Variants in SNTG2 observed in about 807,000 individuals in gnomAD.
SNTG2 encodes gamma-2-syntrophin.
In SNTG2, 74 loss-of-function variants were observed where a neutral mutation model predicts 70.9. The ratio of observed to expected loss-of-function variants is 1.04; its 90% CI spans 0.86 to 1.27. The LOEUF (loss-of-function observed/expected upper bound fraction) is 1.27. SNTG2 is among the 50% of genes most tolerant of loss of function. SNTG2 has a pLI of 0.00. For synonymous variants in SNTG2, 278 were observed against 273.8 expected (o/e 1.02, Z -0.15); for missense variants, 717 against 690.7 (o/e 1.04, Z -0.43).
chr2:1,196,676 T>C (rs1015069291), intron 8 of SNTG2, among the ~76,000 whole-genome samples: 1 of 152,150 alleles, frequency 6.6e-6, no homozygotes, highest in Admixed American at 6.5e-5. Context: ...AAGCCATCAG[T>C]TGATTTATCA....
rs576122995 is a variant in SNTG2, at chr2:1,101,495, C to T, written c.325+3085C>T. On this transcript the variant is annotated intron_variant, in intron 4 of 16. Transcript: ENST00000308624. ...AAGCTTGGTCTCATTTATTTTATGT[C>T]TTCCATTCCATGTAAAACACAGAAT... Among the ~76,000 whole-genome samples, 292 of 152,320 alleles carry T rather than the reference C, an allele frequency of 1.9e-3. 2 individuals carry two copies. Among genetic ancestry groups the T allele is most frequent in the Middle Eastern group, 3.4e-3 (1 of 294 alleles).
At chr2:1,067,416 A>AG (rs1663230376) in intron 1 of SNTG2, among the ~76,000 whole-genome samples, 1 of 152,256 alleles carries the variant, frequency 6.6e-6, no homozygotes, top group Non-Finnish European at 1.5e-5. Context: ...TTCATGGATC[A>AG]CTTATGCTTC....
rs114517664 is a variant in SNTG2 at position 1,068,871 on chromosome 2, A to G, written c.73-14647A>G. 7.5e-3 allele frequency among the ~76,000 whole-genome samples: 1,146 copies of G among 152,348 alleles called. 10 individuals carry two copies. Among genetic ancestry groups the G allele is most frequent in the Middle Eastern group, 0.017 (5 of 294 alleles). On this transcript the variant is annotated intron_variant, in intron 1 of 16. Transcript: ENST00000308624. Reference sequence around the variant, plus strand: ...CATTCAGCTTTCTAATCATTCAGAGAAATGTCACTTATGCGCCAGCTGTTT... The same window carrying G: ...CATTCAGCTTTCTAATCATTCAGAGGAATGTCACTTATGCGCCAGCTGTTT...
intron 1 of SNTG2, among the ~76,000 whole-genome samples, chr2:1,016,797 C>T (rs1659908673): frequency 6.6e-6 from 1 of 152,230 alleles, no homozygotes; most frequent in Non-Finnish European, 1.5e-5. Flanking sequence ...GTGGACTTAA[C>T]ATTAAAATGT....
At chr2:1,111,988 CTAAG>C (rs1342556209) in intron 4 of SNTG2, among the ~76,000 whole-genome samples, 2 of 150,802 alleles carry the variant, frequency 1.3e-5, no homozygotes, top group Non-Finnish European at 2.9e-5. Flanking sequence ...ATCGTGGGTA[CTAAG>C]TGAGGTTTAA....
At chr2:1,192,585 C>T (rs932491415) in intron 8 of SNTG2, among the ~76,000 whole-genome samples, 11 of 151,990 alleles carry the variant, frequency 7.2e-5, no homozygotes, top group African/African-American at 2.7e-4. Flanking sequence ...AAGCAAGGCT[C>T]CATCTCAAAT....
At chr2:1,089,557 C>T (rs757335408) in intron 2 of SNTG2, among the ~76,000 whole-genome samples, 5 of 152,180 alleles carry the variant, frequency 3.3e-5, no homozygotes, top group Non-Finnish European at 7.3e-5. Context: ...ATCACTTGAA[C>T]CCAAGAGGTA....
chr2:1,053,972 C>T (rs747722606), intron 1 of SNTG2, among the ~76,000 whole-genome samples: 2 of 139,200 alleles, frequency 1.4e-5, no homozygotes, highest in Non-Finnish European at 3.1e-5. Flanking sequence ...ACCTCGTGTT[C>T]CCTCCTCCCT....
intron 16 of SNTG2, among the ~76,000 whole-genome samples, chr2:1,352,511 G>A (rs1284178856): frequency 4.6e-5 from 7 of 152,206 alleles, no homozygotes; most frequent in South Asian, 4.1e-4. Flanking sequence ...GCAACCCTGC[G>A]AGTGTAAACT....
chr2:1,132,467 T>C (rs1668088406), intron 4 of SNTG2, among the ~76,000 whole-genome samples: 1 of 152,178 alleles, frequency 6.6e-6, no homozygotes, highest in Non-Finnish European at 1.5e-5. Flanking sequence ...AGACTACTTG[T>C]AAAGAAAAAA....
intron 9 of SNTG2, among the ~76,000 whole-genome samples, chr2:1,228,047 GGTCTGAGT>G (rs2148066404): frequency 6.6e-6 from 1 of 152,266 alleles, no homozygotes; most frequent in East Asian, 1.9e-4. Flanking sequence ...TCAAGGCTGG[GGTCTGAGT>G]GTCTGAGTGC....
rs561382984 is a variant in SNTG2, at chr2:1,188,314, TAAAG to T, written c.591+15135_591+15138del. On this transcript the variant is annotated intron_variant, in intron 8 of 16. Coordinates refer to ENST00000308624, the MANE Select transcript of SNTG2 (RefSeq NM_018968.4). ...TTACAAAAAACCTGAAAATAGAAAA[TAAAG>T]AAATACAGAAAAAGAAGAAAATGAG... Among the ~76,000 whole-genome samples the T allele has an allele frequency of 3.2e-4, 48 of 150,084 alleles. No homozygotes were observed. In the South Asian group the frequency reaches 4.9e-3, roughly 15 times the overall value.
intron 16 of SNTG2, among the ~76,000 whole-genome samples, chr2:1,365,677 CT>C (rs1239430766): frequency 6.6e-6 from 1 of 152,212 alleles, no homozygotes; most frequent in Non-Finnish European, 1.5e-5. Flanking sequence ...TGGCCTCCCT[CT>C]CCCTGTCATC....
At chr2:1,237,679 A>G (rs1676756771) in intron 9 of SNTG2, among the ~76,000 whole-genome samples, 1 of 152,246 alleles carries the variant, frequency 6.6e-6, no homozygotes, top group Non-Finnish European at 1.5e-5. Context: ...TCATCGAATT[A>G]GAAGTAGCTC....
intron 1 of SNTG2, among the ~76,000 whole-genome samples, chr2:1,077,341 C>G (rs1663985322): frequency 6.6e-6 from 1 of 152,180 alleles, no homozygotes; most frequent in Non-Finnish European, 1.5e-5. Context: ...TGCGGTGTTG[C>G]TATTCCTTTT....
chr2:992,964 CT>C (rs1661550619), intron 1 of SNTG2, among the ~76,000 whole-genome samples: 1 of 152,136 alleles, frequency 6.6e-6, no homozygotes, highest in African/African-American at 2.4e-5. Flanking sequence ...CTGATTACCC[CT>C]CCCCCCAAAT....
chr2:1,215,677 C>T (rs1572747782), intron 9 of SNTG2, among the ~76,000 whole-genome samples: 3 of 151,614 alleles, frequency 2.0e-5, no homozygotes, highest in South Asian at 2.1e-4. Flanking sequence ...TTACATTATG[C>T]ATATCTCCTA....
chr2:1,044,966 C>T (rs1054662932), intron 1 of SNTG2, among the ~76,000 whole-genome samples: 2 of 151,582 alleles, frequency 1.3e-5, no homozygotes, highest in Non-Finnish European at 2.9e-5. Context: ...GGTACCAGCT[C>T]TTATTTATAC....
At chr2:1,291,969 C>T (rs1456544087) in intron 14 of SNTG2, among the ~76,000 whole-genome samples, 1 of 152,142 alleles carries the variant, frequency 6.6e-6, no homozygotes, top group Non-Finnish European at 1.5e-5. Flanking sequence ...TCCATGAGCA[C>T]AAGATGTCTT....
Sources: gnomAD v4.1 joint callset for allele counts (sites outside exome capture counted in the v4.1 genomes callset) on GRCh38, gnomAD v4.1.1 for gene constraint, MANE v1.5 for transcripts, NCBI Gene and HGNC (gene_info 2026-07-23, HGNC 2026-07-21) for gene names.